SEMA3A: variants seen among roughly 807,000 people sequenced by gnomAD.
SEMA3A encodes the protein semaphorin-3A.
In SEMA3A, 29 loss-of-function variants were observed where a neutral mutation model predicts 97.9. That is an observed-to-expected ratio of 0.30 (90% CI 0.22 to 0.40). The LOEUF is 0.40. SEMA3A is among the 10% of genes least tolerant of loss of function. The probability of loss-of-function intolerance (pLI) is 1.00; values close to 1 mark genes in which losing one functional copy is unlikely to be tolerated. For synonymous variants in SEMA3A, 321 were observed against 323.7 expected, an observed-to-expected ratio of 0.99 and a Z score of 0.09; for missense variants, 763 against 951.3, an observed-to-expected ratio of 0.80 and a Z score of 2.60.
At chr7:84,383,859 C>T (rs963494578) in intron 1 of SEMA3A, among the ~76,000 whole-genome samples, 5 of 152,168 alleles carry the variant, frequency 3.3e-5, no homozygotes, top group Non-Finnish European at 5.9e-5. Context: ...ACTTACCTTA[C>T]GTATTAAGCT....
intron 1 of SEMA3A, among the ~76,000 whole-genome samples, chr7:84,485,567 G>A (rs1806553777): frequency 6.6e-6 from 1 of 151,952 alleles, no homozygotes. Flanking sequence ...TAGAGGTGGG[G>A]TTTCACCATG....
chr7:83,980,623 A>AAAAAAAAATATATAT (rs1310318006), intron 14 of SEMA3A, among the ~76,000 whole-genome samples: 3 of 71,756 alleles, frequency 4.2e-5, no homozygotes, highest in Non-Finnish European at 7.2e-5. Context: ...AAAAAAAAAA[A>AAAAAAAAATATATAT]ATATATATAT....
rs374795506 is a variant in SEMA3A at position 84,420,006 on chromosome 7, C to G, written c.-245-48106G>C. Among the ~76,000 whole-genome samples, 13 of 152,100 alleles carry G rather than the reference C, an allele frequency of 8.5e-5. No individual in the cohort carries two copies. In the East Asian group the frequency reaches 1.9e-3, roughly 23 times the overall value. ...GACAGTTAAATGACCATAAGTGACACTGAATACAATCTTTGCAAAAATAAG... is the reference window on the plus strand; with the variant it reads ...GACAGTTAAATGACCATAAGTGACAGTGAATACAATCTTTGCAAAAATAAG... On this transcript the variant is annotated intron_variant, in intron 1 of 3. Coordinates refer to the SEMA3A transcript ENST00000424555.
At chr7:84,250,606 T>C (rs1463909744) in intron 3 of SEMA3A, among the ~76,000 whole-genome samples, 3 of 152,182 alleles carry the variant, frequency 2.0e-5, no homozygotes, top group Non-Finnish European at 4.4e-5. Flanking sequence ...ACAGTGTGTT[T>C]AAAAAATTGT....
chr7:84,096,305 T>C (rs906593066), intron 4 of SEMA3A, among the ~76,000 whole-genome samples: 1 of 152,084 alleles, frequency 6.6e-6, no homozygotes, highest in African/African-American at 2.4e-5. Flanking sequence ...AAGTGAAGGA[T>C]AGGAACTAGA....
chr7:84,067,253 C>T (rs1232716884), intron 4 of SEMA3A, among the ~76,000 whole-genome samples: 2 of 152,022 alleles, frequency 1.3e-5, no homozygotes, highest in Non-Finnish European at 2.9e-5. Context: ...CTTCCTTACA[C>T]CTTATACAAA....
rs372442579 is a variant in SEMA3A at position 84,089,010 on chromosome 7, T to TA, written c.453+21459dup. Among the ~76,000 whole-genome samples, 1,054 of 142,418 alleles carry TA rather than the reference T, an allele frequency of 7.4e-3. 10 individuals carry two copies. The highest frequency in any genetic ancestry group is 0.02 in the East Asian group (98 of 4,924). The allele number at this position is 142,418 out of a possible 152,430, so 93.4% of individuals were successfully genotyped here. A position where few individuals can be genotyped will look rare whatever the true frequency, so the allele number is the denominator to read the frequency against. ...AACTTTTCAGAGCTTACAGTAAGAG[T>TA]AAAAAAAAAAAGGCATTGAAGTAAT... On this transcript the variant is annotated intron_variant, in intron 4 of 16. Transcript: ENST00000265362.
intron 3 of SEMA3A, among the ~76,000 whole-genome samples, chr7:84,267,624 G>A (rs920547369): frequency 2.0e-5 from 3 of 152,024 alleles, no homozygotes; most frequent in East Asian, 1.9e-4. Context: ...AAATGAAGAC[G>A]TGTGTCACAA....
intron 4 of SEMA3A, among the ~76,000 whole-genome samples, chr7:84,074,760 A>C (rs888066818): frequency 6.6e-6 from 1 of 152,020 alleles, no homozygotes; most frequent in African/African-American, 2.4e-5. Context: ...GTTAACTAAA[A>C]TATTTTGAAT....
chr7:84,438,782 G>C (rs1411364059), intron 1 of SEMA3A, among the ~76,000 whole-genome samples: 2 of 151,876 alleles, frequency 1.3e-5, no homozygotes, highest in Non-Finnish European at 2.9e-5. Context: ...GAAATGACTT[G>C]AATTTTGAGG....
chr7:84,117,362 G>A (rs1051967195), intron 3 of SEMA3A, among the ~76,000 whole-genome samples: 4 of 152,084 alleles, frequency 2.6e-5, no homozygotes, highest in African/African-American at 7.2e-5. Context: ...AGGACAAAAC[G>A]AACAATTTCA....
At chr7:84,387,424 C>T (rs555112642) in intron 1 of SEMA3A, among the ~76,000 whole-genome samples, 108 of 152,054 alleles carry the variant, frequency 7.1e-4, no homozygotes, top group Admixed American at 2.4e-3. Flanking sequence ...ATTAAATTAG[C>T]GGAAAAGGGA....
intron 1 of SEMA3A, among the ~76,000 whole-genome samples, chr7:84,467,301 T>A (rs1010801363): frequency 6.6e-6 from 1 of 151,942 alleles, no homozygotes; most frequent in Admixed American, 6.6e-5. Context: ...GGCGAGTGGA[T>A]CACGAGGTCA....
intron 3 of SEMA3A, among the ~76,000 whole-genome samples, chr7:84,305,167 ATAAT>A (rs1325671365): frequency 6.6e-6 from 1 of 151,926 alleles, no homozygotes; most frequent in East Asian, 1.9e-4. Flanking sequence ...ACGCTTTTAA[ATAAT>A]TATTTATATA....
chr7:84,316,197 C>CT (rs1180331337), intron 2 of SEMA3A, among the ~76,000 whole-genome samples: 6 of 134,174 alleles, frequency 4.5e-5, no homozygotes, highest in Non-Finnish European at 7.9e-5. Context: ...CATTTATCGT[C>CT]TTTTTTCATT....
intron 6 of SEMA3A, among the ~76,000 whole-genome samples, chr7:84,024,778 G>A (rs11978232): frequency 0.69 from 104,938 of 152,110 alleles, 36,393 homozygotes; most frequent in Middle Eastern, 0.77. Flanking sequence ...GTATACAAAT[G>A]TATGTTTAAA....
intron 6 of SEMA3A, among the ~76,000 whole-genome samples, chr7:84,018,786 G>C (rs1791201931): frequency 1.3e-5 from 2 of 152,176 alleles, no homozygotes; most frequent in African/African-American, 4.8e-5. Context: ...TATGCAGGAA[G>C]TCATGTTCAG....
At chr7:84,401,470 A>G (rs563359362) in intron 1 of SEMA3A, among the ~76,000 whole-genome samples, 2 of 150,668 alleles carry the variant, frequency 1.3e-5, no homozygotes, top group East Asian at 4.0e-4. Flanking sequence ...CAAAATACCA[A>G]TGATCTTGTT....
At chr7:84,126,902 A>G (rs2116009919) in intron 3 of SEMA3A, among the ~76,000 whole-genome samples, 1 of 152,296 alleles carries the variant, frequency 6.6e-6, no homozygotes, top group African/African-American at 2.4e-5. Context: ...GTATCAGCAC[A>G]AAATTCTCAA....
Sources: gnomAD v4.1 joint callset for allele counts (sites outside exome capture counted in the v4.1 genomes callset) on GRCh38, gnomAD v4.1.1 for gene constraint, MANE v1.5 for transcripts, NCBI Gene and HGNC (gene_info 2026-07-23, HGNC 2026-07-21) for gene names.